SDC3: variants seen among roughly 807,000 people sequenced by gnomAD.
SDC3 encodes syndecan-3.
A neutral mutation model predicts 24.4 loss-of-function variants in SDC3; 13 were observed. The ratio of observed to expected loss-of-function variants is 0.53; its 90% CI spans 0.35 to 0.85. The LOEUF (loss-of-function observed/expected upper bound fraction) is 0.85, where lower values mean the gene tolerates loss of function less well. Ranked by LOEUF, SDC3 falls within the 40% of genes least tolerant of loss-of-function variation. The pLI is 0.01. For synonymous variants in SDC3, 295 were observed against 260.9 expected (o/e 1.13, Z -1.26); for missense variants, 571 against 584.5 (o/e 0.98, Z 0.24).
At position 30,870,230 on chromosome 1, in the gene SDC3, C is replaced by A. The variant is rs977033428; in HGVS notation, c.*2981G>T. ...AGCCCTGCCCAGCCCTGGTTGCCAC[C>A]CACATGCCTCCAGCGATCAAGGGGA... is the stretch of plus-strand genomic sequence containing the variant. On this transcript the variant is annotated 3_prime_UTR_variant, in exon 5 of 5. Transcript: ENST00000339394. The A allele has an allele frequency of 3.9e-6, 1 of 254,680 alleles. No homozygotes were observed. 15.8% of individuals were successfully genotyped at this position (254,680 alleles called of 1,614,324 possible). A position where few individuals can be genotyped will look rare whatever the true frequency, so the allele number is the denominator to read the frequency against.
In SDC3 at chr1:30,871,129, G is replaced by A. The variant is rs1639526845; in HGVS notation, c.*2082C>T. The A allele has an allele frequency of 6.6e-6, 1 of 152,330 alleles. No individual in the cohort carries two copies. Among genetic ancestry groups the A allele is most frequent in the South Asian group, 2.1e-4 (1 of 4,832 alleles). 9.4% of individuals were successfully genotyped at this position (152,330 alleles called of 1,614,324 possible). On this transcript the variant is annotated 3_prime_UTR_variant, in exon 5 of 5. Transcript: ENST00000339394. ...TGGGCCCTGTGAAGGAGGGTTTTGG[G>A]ACTGGAAGATGGAGCCCAGCCTGGA...
chr1:30,877,074 G>A lies in SDC3; in HGVS notation c.348C>T (p.Thr116=). 6.2e-7 allele frequency: 1 copy of A among 1,614,010 alleles called. No individual in the cohort carries two copies. Among genetic ancestry groups the A allele is most frequent in the South Asian group, 1.1e-5 (1 of 91,068 alleles). Residue 116 remains threonine (T), a synonymous_variant, in exon 3 of 5, where the codon ACC becomes ACT. Coordinates refer to ENST00000339394, the MANE Select transcript of SDC3 (RefSeq NM_014654.4). ...AVSTTPAVLP[T]TNIQPVGTPF... is the part of the protein sequence containing the mutation. ...GTGTGCCCACAGGCTGGATGTTCGT[G>A]GTGGGCAGCACCGCAGGTGTGGTGG...
At chr1:30,889,159 T>C (rs1639871732) in intron 1 of SDC3, among the ~76,000 whole-genome samples, 1 of 152,364 alleles carries the variant, frequency 6.6e-6, no homozygotes, top group Admixed American at 6.5e-5. Flanking sequence ...TCTACCTCTC[T>C]GAGCCTCAGT....
rs1475257150 is a variant in SDC3, at chr1:30,870,781, C to G, written c.*2430G>C. The stretch of plus-strand genomic sequence containing the variant: ...GGCCACCCCCACCATTGGCTCCAGC[C>G]CTACTGAGAAACTGCACCCACTGTT... On this transcript the variant is annotated 3_prime_UTR_variant, in exon 5 of 5. Transcript: ENST00000339394. 6.6e-6 allele frequency: 1 copy of G among 152,402 alleles called. No individual in the cohort carries two copies. Among genetic ancestry groups the G allele is most frequent in the Non-Finnish European group, 1.5e-5 (1 of 68,182 alleles). 9.4% of individuals were successfully genotyped at this position (152,402 alleles called of 1,614,324 possible). A position where few individuals can be genotyped will look rare whatever the true frequency, so the allele number is the denominator to read the frequency against.
intron 1 of SDC3, among the ~76,000 whole-genome samples, chr1:30,899,346 A>G (rs765889228): frequency 1.3e-5 from 2 of 151,810 alleles, no homozygotes; most frequent in African/African-American, 2.4e-5. Flanking sequence ...CGGCCTCCCA[A>G]AGTGTTGGGA....
At chr1:30,894,126 T>C (rs1639949005) in intron 1 of SDC3, among the ~76,000 whole-genome samples, 1 of 151,734 alleles carries the variant, frequency 6.6e-6, no homozygotes, top group Non-Finnish European at 1.5e-5. Flanking sequence ...CAGCAGTGTG[T>C]GTGTGTGAGA....
Position 30,873,117 on chromosome 1 carries a change from T to A in SDC3, c.*94A>T. On this transcript the variant is annotated 3_prime_UTR_variant, in exon 5 of 5. Transcript: ENST00000339394. The stretch of plus-strand genomic sequence containing the variant: ...AGGGCAGAGAAGAACTGGGGCCAGG[T>A]TCCAGGCCCAGTCCCAGGCTTGGGC... 1 of 900,680 alleles carries A rather than the reference T, an allele frequency of 1.1e-6. No individual in the cohort carries two copies. The highest frequency in any genetic ancestry group is 1.8e-6 in the Non-Finnish European group (1 of 553,766). 55.8% of individuals were successfully genotyped at this position (900,680 alleles called of 1,614,324 possible). A position where few individuals can be genotyped will look rare whatever the true frequency, so the allele number is the denominator to read the frequency against.
At chr1:30,892,882 G>C (rs1639926700) in intron 1 of SDC3, among the ~76,000 whole-genome samples, 1 of 152,148 alleles carries the variant, frequency 6.6e-6, no homozygotes, top group Admixed American at 6.5e-5. Context: ...CCAAGTCCAA[G>C]TCCATGTCAA....
rs781754536 is a variant in SDC3, at chr1:30,878,627, C to G, written c.252G>C (p.Ser84=). The G allele has an allele frequency of 1.2e-6, 2 of 1,613,442 alleles. No homozygotes were observed. The highest frequency in any genetic ancestry group is 1.1e-5 in the South Asian group (1 of 91,060). The change falls in exon 2 of 5, where the codon TCG becomes TCC. Residue 84 remains serine (S), a synonymous_variant. Transcript: ENST00000339394. ...ELDDLYSGSG[S]GYFEQESGIE... is the part of the protein sequence containing the mutation. Reference sequence around the variant, plus strand: ...GGTAGGGAGGGGGGTACTTACAGCCCGAGCCCGACCCCGAGTAGAGGTCAT... The same window carrying G: ...GGTAGGGAGGGGGGTACTTACAGCCGGAGCCCGACCCCGAGTAGAGGTCAT...
chr1:30,874,502 C>A lies in SDC3; in HGVS notation c.957G>T (p.Leu319=), dbSNP rs952438256. 4 of 1,614,062 alleles carry A rather than the reference C, an allele frequency of 2.5e-6. No homozygotes were observed. Among genetic ancestry groups the A allele is most frequent in the Admixed American group, 3.3e-5 (2 of 60,010 alleles). ...VSGGPSGDFE[L]PEEETTQPDT... is the part of the protein sequence containing the mutation. ...CTGGTTGTGTGGTCTCTTCTTCTGG[C>A]AGCTCGAAGTCTCCACTGGGCCCCC... The change falls in exon 4 of 5, where the codon CTG becomes CTT. Residue 319 remains leucine (L), a synonymous_variant. Coordinates refer to ENST00000339394, the MANE Select transcript of SDC3 (RefSeq NM_014654.4).
chr1:30,905,857 GAC>G (rs1638508298), intron 1 of SDC3, among the ~76,000 whole-genome samples: 2 of 129,150 alleles, frequency 1.5e-5, no homozygotes, highest in African/African-American at 5.8e-5. Context: ...CCAGGAGACA[GAC>G]ACAGACACAC....
rs542834911 is a variant in SDC3, at chr1:30,881,913, C to A, written c.139-3173G>T. On this transcript the variant is annotated intron_variant, in intron 1 of 4. Coordinates refer to ENST00000339394, the MANE Select transcript of SDC3 (RefSeq NM_014654.4). ...CCAGGGCTAAATTCATACATCTGTGCCCCGCAGCTGCCCTCACCCCCTGCA... is the reference window on the plus strand; with the variant it reads ...CCAGGGCTAAATTCATACATCTGTGACCCGCAGCTGCCCTCACCCCCTGCA... Among the ~76,000 whole-genome samples, 8 of 152,298 alleles carry A rather than the reference C, an allele frequency of 5.3e-5. No homozygotes were observed. In the South Asian group the frequency reaches 1.7e-3, roughly 32 times the overall value.
intron 1 of SDC3, among the ~76,000 whole-genome samples, chr1:30,893,409 T>C (rs1385308221): frequency 1.3e-5 from 2 of 150,732 alleles, no homozygotes; most frequent in South Asian, 2.1e-4. Context: ...CTGGACACTG[T>C]AGCCATTTAG....
rs765007633 is a variant in SDC3 at position 30,888,495 on chromosome 1, C to G, written c.139-9755G>C. On this transcript the variant is annotated intron_variant, in intron 1 of 4. Transcript: ENST00000339394. ...GCAGGCCCAGACCTTCCAGCTGTCC[C>G]GGGAGCCTGCACAGCTCTGACGGCT... Among the ~76,000 whole-genome samples the G allele has an allele frequency of 2.6e-5, 4 of 152,192 alleles. No homozygotes were observed. In the South Asian group the frequency reaches 8.3e-4, roughly 32 times the overall value.
chr1:30,873,201 T>C lies in SDC3; in HGVS notation c.*10A>G, dbSNP rs1180925064. On this transcript the variant is annotated 3_prime_UTR_variant, in exon 5 of 5. Transcript: ENST00000339394. Reference sequence around the variant, plus strand: ...TGGTGTTGAGGCTGCAGGGAGGCACTGTGGCTCCACTAGGCATAGAACTCC... The same window carrying C: ...TGGTGTTGAGGCTGCAGGGAGGCACCGTGGCTCCACTAGGCATAGAACTCC... 1 of 1,607,660 alleles carries C rather than the reference T, an allele frequency of 6.2e-7. No individual in the cohort carries two copies. The highest frequency in any genetic ancestry group is 8.5e-7 in the Non-Finnish European group (1 of 1,174,410).
chr1:30,903,219 C>T (rs1638448910), intron 1 of SDC3, among the ~76,000 whole-genome samples: 1 of 152,148 alleles, frequency 6.6e-6, no homozygotes, highest in Non-Finnish European at 1.5e-5. Flanking sequence ...GGCCTCCACA[C>T]ACTTTCTAAG....
intron 2 of SDC3, chr1:30,877,884 G>C (rs1436851084): frequency 6.6e-6 from 1 of 152,648 alleles, no homozygotes; most frequent in Non-Finnish European, 1.5e-5. Flanking sequence ...GGCTAAGGAG[G>C]GGAGACCAGA....
chr1:30,908,547 C>G lies in SDC3; in HGVS notation c.40G>C (p.Gly14Arg). 1 of 966,690 alleles carries G rather than the reference C, an allele frequency of 1.0e-6. No individual in the cohort carries two copies. The highest frequency in any genetic ancestry group is 1.2e-6 in the Non-Finnish European group (1 of 818,236). 59.9% of individuals were successfully genotyped at this position (966,690 alleles called of 1,614,324 possible). ...GPPHRAGAAHGAGAGAGAAAG... is the reference protein window; with the variant it reads ...GPPHRAGAAHRAGAGAGAAAG... ...GCGGCCCCGGCCCCGGCGCCGGCCC[C>G]GTGGGCGGCCCCGGCACGGTGCGGC... The change falls in exon 1 of 5, where the codon GGG (glycine) becomes CGG (arginine). Residue 14 changes from glycine (G) to arginine (R), a missense_variant. Coordinates refer to ENST00000339394, the MANE Select transcript of SDC3 (RefSeq NM_014654.4).
chr1:30,901,127 C>T (rs888719699), intron 1 of SDC3, among the ~76,000 whole-genome samples: 3 of 152,196 alleles, frequency 2.0e-5, no homozygotes, highest in Non-Finnish European at 4.4e-5. Context: ...GGCCTAACAT[C>T]TCTGAGCCTT....
Sources: gnomAD v4.1 joint callset for allele counts (sites outside exome capture counted in the v4.1 genomes callset) on GRCh38, gnomAD v4.1.1 for gene constraint, MANE v1.5 for transcripts, NCBI Gene and HGNC (gene_info 2026-07-23, HGNC 2026-07-21) for gene names.